SORCS2: variants seen among roughly 807,000 people sequenced by gnomAD.
SORCS2 encodes sortilin related VPS10 domain containing receptor 2, also known as VPS10 domain-containing receptor SorCS2.
In SORCS2, 100 loss-of-function variants were observed where a neutral mutation model predicts 141.6. The ratio of observed to expected loss-of-function variants is 0.71; its 90% CI spans 0.60 to 0.83. The LOEUF (loss-of-function observed/expected upper bound fraction) is 0.83. Ranked by LOEUF, SORCS2 falls within the 40% of genes least tolerant of loss-of-function variation. The pLI is 0.00. For synonymous variants in SORCS2, 789 were observed against 676.9 expected (o/e 1.17, Z -2.57); for missense variants, 1,646 against 1,560.2 (o/e 1.05, Z -0.93).
chr4:7,222,250 A>G (rs957220521), intron 1 of SORCS2, among the ~76,000 whole-genome samples: 1 of 152,252 alleles, frequency 6.6e-6, no homozygotes, highest in African/African-American at 2.4e-5. Flanking sequence ...ATGTCCAGCA[A>G]CAGACACGGA....
chr4:7,638,482 A>G lies in SORCS2; in HGVS notation c.803A>G (p.Lys268Arg). Residue 268 changes from lysine to arginine, a missense_variant, in exon 4 of 27, where the codon AAG becomes AGG. Physicochemically the swap from Lys to Arg is conservative, Grantham distance 26. Coordinates refer to ENST00000507866, the MANE Select transcript of SORCS2 (RefSeq NM_020777.3). ...KEEDKVLAYT[K>R]ESKLYVSSDL... is the part of the protein sequence containing the mutation. Reference sequence around the variant, plus strand: ...GAGGACAAGGTCCTCGCCTACACAAAGGAGAGCAAGGTAAGATATATGGGT... The same window carrying G: ...GAGGACAAGGTCCTCGCCTACACAAGGGAGAGCAAGGTAAGATATATGGGT... 1 of 1,610,880 alleles carries G rather than the reference A, an allele frequency of 6.2e-7. No individual in the cohort carries two copies. The highest frequency in any genetic ancestry group is 8.5e-7 in the Non-Finnish European group (1 of 1,178,834).
intron 1 of SORCS2, among the ~76,000 whole-genome samples, chr4:7,305,477 C>T (rs1233328837): frequency 1.3e-5 from 2 of 152,022 alleles, no homozygotes; most frequent in Non-Finnish European, 2.9e-5. Context: ...CATCCTCCCA[C>T]ATGGCGCTCA....
At chr4:7,514,354 G>GGCT (rs1732845132) in intron 2 of SORCS2, among the ~76,000 whole-genome samples, 1 of 152,150 alleles carries the variant, frequency 6.6e-6, no homozygotes, top group Non-Finnish European at 1.5e-5. Flanking sequence ...GGCGGGAAGA[G>GGCT]GCTGCTGCTG....
Position 7,734,276 on chromosome 4 carries a change from T to C in SORCS2, c.3213T>C (p.Ala1071=). 6.3e-7 allele frequency: 1 copy of C among 1,598,432 alleles called. No individual in the cohort carries two copies. Among genetic ancestry groups the C allele is most frequent in the South Asian group, 1.1e-5 (1 of 87,636 alleles). The change falls in exon 25 of 27, where the codon GCT becomes GCC. Residue 1071 remains alanine (A), a synonymous_variant. Coordinates refer to ENST00000507866, the MANE Select transcript of SORCS2 (RefSeq NM_020777.3). The stretch of plus-strand genomic sequence containing the variant: ...TGACAACCGCTTTGCTTGCAGGTGC[T>C]GAGCAGCTGGGCGGCGGTGGCGGCT... ...LVALRDTGTG[A]EQLGGGGGYW... is the part of the protein sequence containing the mutation.
At chr4:7,253,326 C>A (rs1713629994) in intron 1 of SORCS2, among the ~76,000 whole-genome samples, 1 of 152,242 alleles carries the variant, frequency 6.6e-6, no homozygotes, top group South Asian at 2.1e-4. Flanking sequence ...AAGGCTCCAT[C>A]CTGAATCTGT....
chr4:7,247,624 C>T (rs7655262), intron 1 of SORCS2, among the ~76,000 whole-genome samples: 17 of 152,056 alleles, frequency 1.1e-4, no homozygotes, highest in Admixed American at 2.0e-4. Flanking sequence ...GCTGGAGGGA[C>T]GGGAGGGGCA....
At chr4:7,249,218 G>A (rs753153111) in intron 1 of SORCS2, among the ~76,000 whole-genome samples, 13 of 152,186 alleles carry the variant, frequency 8.5e-5, no homozygotes, top group Non-Finnish European at 1.6e-4. Flanking sequence ...GTCCAAGCTG[G>A]TTTCTTCACT....
At chr4:7,292,008 A>G (rs1716633758) in intron 1 of SORCS2, among the ~76,000 whole-genome samples, 2 of 152,016 alleles carry the variant, frequency 1.3e-5, no homozygotes, top group African/African-American at 2.4e-5. Context: ...CCTAACTGTG[A>G]CTGTTGTCTG....
intron 3 of SORCS2, among the ~76,000 whole-genome samples, chr4:7,551,315 A>G (rs1713684582): frequency 6.6e-6 from 1 of 152,146 alleles, no homozygotes. Context: ...TTCATCAGAC[A>G]TTTCCTGAGC....
chr4:7,396,967 G>A (rs1366819547), intron 2 of SORCS2, among the ~76,000 whole-genome samples: 1 of 152,196 alleles, frequency 6.6e-6, no homozygotes, highest in Non-Finnish European at 1.5e-5. Context: ...ACTCACCCAG[G>A]AAGGGTACAG....
rs533226123 is a variant in SORCS2 at position 7,363,263 on chromosome 4, T to C, written c.481-33025T>C. On this transcript the variant is annotated intron_variant, in intron 1 of 26. Transcript: ENST00000507866. ...CCATCACCATCATCACCATCATTAC[T>C]ACCATTACCATGATCATTATCATCA... 3.4e-5 allele frequency among the ~76,000 whole-genome samples: 5 copies of C among 146,840 alleles called. No individual in the cohort carries two copies. The East Asian group carries it at 1.1e-3, about 34-fold the overall frequency.
chr4:7,408,105 G>A (rs145046445), intron 2 of SORCS2, among the ~76,000 whole-genome samples: 5 of 152,112 alleles, frequency 3.3e-5, no homozygotes, highest in Admixed American at 3.3e-4. Flanking sequence ...TGAGTGGATT[G>A]TGTATCACAA....
chr4:7,261,566 A>G (rs2108823634), intron 1 of SORCS2, among the ~76,000 whole-genome samples: 1 of 152,338 alleles, frequency 6.6e-6, no homozygotes, highest in East Asian at 1.9e-4. Flanking sequence ...ATCCCTCAAA[A>G]GCCCTGGCTT....
chr4:7,474,836 G>A (rs1218224976), intron 2 of SORCS2, among the ~76,000 whole-genome samples: 1 of 152,170 alleles, frequency 6.6e-6, no homozygotes, highest in Non-Finnish European at 1.5e-5. Context: ...CCCGGAACCA[G>A]GGGGTCTGCA....
chr4:7,398,380 T>C (rs1418847121), intron 2 of SORCS2, among the ~76,000 whole-genome samples: 1 of 152,210 alleles, frequency 6.6e-6, no homozygotes, highest in African/African-American at 2.4e-5. Flanking sequence ...TGAGGGGAAG[T>C]TGTGAGAACT....
At chr4:7,573,392 G>A (rs1715523105) in intron 3 of SORCS2, among the ~76,000 whole-genome samples, 1 of 152,216 alleles carries the variant, frequency 6.6e-6, no homozygotes, top group Non-Finnish European at 1.5e-5. Context: ...CAGGTAGACG[G>A]TGCCAATGTC....
intron 1 of SORCS2, among the ~76,000 whole-genome samples, chr4:7,370,386 G>C (rs1722177443): frequency 6.6e-6 from 1 of 152,208 alleles, no homozygotes. Flanking sequence ...GCTCTGCAGA[G>C]AAGCAGGAAC....
Position 7,580,338 on chromosome 4 carries a change from A to C in SORCS2, c.648+48709A>C, listed in dbSNP as rs7671223. 2.7e-3 allele frequency among the ~76,000 whole-genome samples: 406 copies of C among 152,190 alleles called. 1 individual carries two copies. The highest frequency in any genetic ancestry group is 9.2e-3 in the African/African-American group (380 of 41,520). ...CTCTACTAAAAAGATGCAGAAAACA[A>C]AAATAGCTAAGCATGGTGGTGCACG... On this transcript the variant is annotated intron_variant, in intron 3 of 26. Transcript: ENST00000507866.
chr4:7,379,359 G>A (rs771062598), intron 1 of SORCS2, among the ~76,000 whole-genome samples: 29 of 152,196 alleles, frequency 1.9e-4, no homozygotes, highest in Non-Finnish European at 4.0e-4. Context: ...CAGCCTGCGA[G>A]GTTGCACCAG....
Sources: gnomAD v4.1 joint callset for allele counts (sites outside exome capture counted in the v4.1 genomes callset) on GRCh38, gnomAD v4.1.1 for gene constraint, MANE v1.5 for transcripts, NCBI Gene and HGNC (gene_info 2026-07-23, HGNC 2026-07-21) for gene names.